The following CNTNAP2 variants were observed in gnomAD, a reference collection of about 807,000 sequenced individuals.
CNTNAP2 encodes the protein contactin associated protein 2, also known as contactin-associated protein-like 2.
CNTNAP2 carries 98 observed loss-of-function variants against 155.2 expected under a neutral mutation model. The ratio of observed to expected loss-of-function variants is 0.63; its 90% CI spans 0.54 to 0.75. The LOEUF (loss-of-function observed/expected upper bound fraction) is 0.75, where lower values mean the gene tolerates loss of function less well. Ranked by LOEUF, CNTNAP2 falls within the 30% of genes least tolerant of loss-of-function variation. The pLI, the probability that CNTNAP2 is intolerant of heterozygous loss-of-function variation, is 0.00. For synonymous variants in CNTNAP2, 651 were observed against 631.2 expected (o/e 1.03, Z -0.47); for missense variants, 1,727 against 1,688.1 (o/e 1.02, Z -0.40).
At chr7:148,068,460 T>C (rs1803311444) in intron 15 of CNTNAP2, among the ~76,000 whole-genome samples, 1 of 152,220 alleles carries the variant, frequency 6.6e-6, no homozygotes, top group South Asian at 2.1e-4. Flanking sequence ...TGTTCCCCAG[T>C]GAGGGTATGT....
At chr7:148,173,675 T>C (rs1794874325) in intron 18 of CNTNAP2, among the ~76,000 whole-genome samples, 1 of 152,348 alleles carries the variant, frequency 6.6e-6, no homozygotes, top group Admixed American at 6.5e-5. Context: ...CAGTGCATTT[T>C]TCTGTTCAGA....
chr7:147,481,937 G>A (rs753640712), intron 10 of CNTNAP2, among the ~76,000 whole-genome samples: 4 of 151,868 alleles, frequency 2.6e-5, no homozygotes, highest in African/African-American at 4.8e-5. Context: ...CTGGATTTGA[G>A]AATAAAATCA....
intron 10 of CNTNAP2, among the ~76,000 whole-genome samples, chr7:147,410,944 C>T (rs1481576559): frequency 6.6e-6 from 1 of 152,084 alleles, no homozygotes; most frequent in East Asian, 1.9e-4. Flanking sequence ...GAATGAGTGC[C>T]CTAGCTTCTT....
At chr7:147,932,863 A>T (rs1445274478) in intron 14 of CNTNAP2, among the ~76,000 whole-genome samples, 1 of 152,234 alleles carries the variant, frequency 6.6e-6, no homozygotes, top group East Asian at 1.9e-4. Context: ...CCAACTTAAG[A>T]GTAAAAAAGC....
chr7:146,814,790 G>A (rs1803132470), intron 2 of CNTNAP2, among the ~76,000 whole-genome samples: 1 of 152,080 alleles, frequency 6.6e-6, no homozygotes, highest in Admixed American at 6.5e-5. Flanking sequence ...AGTGTATTAG[G>A]TATGCAATAT....
chr7:147,441,263 ATG>A (rs1797631773), intron 10 of CNTNAP2, among the ~76,000 whole-genome samples: 1 of 152,062 alleles, frequency 6.6e-6, no homozygotes, highest in Admixed American at 6.5e-5. Flanking sequence ...ATTCTTCAGT[ATG>A]TCAGTTGCAT....
intron 1 of CNTNAP2, among the ~76,000 whole-genome samples, chr7:146,422,563 A>G (rs535673853): frequency 1.2e-4 from 19 of 152,012 alleles, no homozygotes; most frequent in Non-Finnish European, 2.6e-4. Flanking sequence ...AAAGCATGAC[A>G]ATTTGTAAGA....
chr7:147,653,449 A>G (rs981150344), intron 13 of CNTNAP2, among the ~76,000 whole-genome samples: 43 of 152,346 alleles, frequency 2.8e-4, no homozygotes, highest in African/African-American at 9.9e-4. Context: ...ACAGCAGGAC[A>G]CTGATACAGA....
intron 22 of CNTNAP2, among the ~76,000 whole-genome samples, chr7:148,394,064 A>G (rs553352144): frequency 6.6e-6 from 1 of 152,106 alleles, no homozygotes; most frequent in South Asian, 2.1e-4. Flanking sequence ...GGTGAAATGT[A>G]AAGTGTTTTA....
chr7:146,418,239 C>T (rs1261217184), intron 1 of CNTNAP2, among the ~76,000 whole-genome samples: 2 of 152,216 alleles, frequency 1.3e-5, no homozygotes, highest in South Asian at 2.1e-4. Flanking sequence ...GCCTGGAGTT[C>T]TCTCTAGTTG....
rs556569159 is a variant in CNTNAP2, at chr7:146,887,256, C to T, written c.402+47352C>T. On this transcript the variant is annotated intron_variant, in intron 3 of 23. Coordinates refer to ENST00000361727, the MANE Select transcript of CNTNAP2 (RefSeq NM_014141.6). Reference sequence around the variant, plus strand: ...ACTCGCCTCCCCAGTTCAGACAATTCTCCTGCCTCAGCCTCCCGAGTAGCT... The same window carrying T: ...ACTCGCCTCCCCAGTTCAGACAATTTTCCTGCCTCAGCCTCCCGAGTAGCT... 5.7e-4 allele frequency among the ~76,000 whole-genome samples: 87 copies of T among 152,202 alleles called. 4 individuals carry two copies. The South Asian group carries it at 0.018, about 31-fold the overall frequency.
At chr7:146,411,513 A>C (rs560331228) in intron 1 of CNTNAP2, among the ~76,000 whole-genome samples, 1 of 152,286 alleles carries the variant, frequency 6.6e-6, no homozygotes, top group African/African-American at 2.4e-5. Flanking sequence ...AGGTGAGGTA[A>C]TGTTAATTAA....
At chr7:148,098,444 G>GAAAAAAAAAAAAAAAAAAAA (rs61014019) in intron 15 of CNTNAP2, among the ~76,000 whole-genome samples, 1 of 56,404 alleles carries the variant, frequency 1.8e-5, no homozygotes, top group African/African-American at 8.0e-5. Context: ...CTCTGTCTCA[G>GAAAAAAAAAAAAAAAAAAAA]AAAAAAAAAA....
chr7:148,339,192 T>C (rs1008095874), intron 21 of CNTNAP2, among the ~76,000 whole-genome samples: 4 of 152,008 alleles, frequency 2.6e-5, no homozygotes, highest in Admixed American at 2.6e-4. Context: ...AGAGCCCTCC[T>C]TGTAGGTCAA....
intron 3 of CNTNAP2, among the ~76,000 whole-genome samples, chr7:146,910,194 A>G (rs1445886292): frequency 1.5e-5 from 2 of 137,542 alleles, no homozygotes; most frequent in Admixed American, 1.4e-4. Context: ...GCTCATGGGT[A>G]GGAAGAATCA....
At chr7:146,700,932 A>G (rs1201499817) in intron 1 of CNTNAP2, among the ~76,000 whole-genome samples, 1 of 152,148 alleles carries the variant, frequency 6.6e-6, no homozygotes, top group African/African-American at 2.4e-5. Context: ...CTCTGAGTAA[A>G]AGTTGAAAGA....
At chr7:146,901,480 TA>T (rs1405409730) in intron 3 of CNTNAP2, among the ~76,000 whole-genome samples, 3 of 152,220 alleles carry the variant, frequency 2.0e-5, no homozygotes, top group Non-Finnish European at 4.4e-5. Context: ...GTCAATGTTC[TA>T]AATAATGGAA....
rs1168985027 is a variant in CNTNAP2 at position 146,956,391 on chromosome 7, C to G, written c.403-87516C>G. On this transcript the variant is annotated intron_variant, in intron 3 of 23. Transcript: ENST00000361727. Reference sequence around the variant, plus strand: ...TATCTTGTTTACTCCTATTTATTCACTACATCACTTGAAGTTTCCTCTTGA... The same window carrying G: ...TATCTTGTTTACTCCTATTTATTCAGTACATCACTTGAAGTTTCCTCTTGA... Among the ~76,000 whole-genome samples the G allele has an allele frequency of 2.6e-5, 4 of 152,164 alleles. No homozygotes were observed. In the East Asian group the frequency reaches 7.7e-4, roughly 29 times the overall value.
chr7:148,294,306 T>C (rs1246420262), intron 21 of CNTNAP2, among the ~76,000 whole-genome samples: 2 of 152,184 alleles, frequency 1.3e-5, no homozygotes, highest in Non-Finnish European at 2.9e-5. Flanking sequence ...GAATATACTC[T>C]CTAAGCATCT....
Sources: gnomAD v4.1 joint callset for allele counts (sites outside exome capture counted in the v4.1 genomes callset) on GRCh38, gnomAD v4.1.1 for gene constraint, MANE v1.5 for transcripts, NCBI Gene and HGNC (gene_info 2026-07-23, HGNC 2026-07-21) for gene names.